PFKFB1: variants seen among roughly 807,000 people sequenced by gnomAD.
PFKFB1 encodes the protein 6-phosphofructo-2-kinase/fructose-2,6-biphosphatase 1.
PFKFB1 carries 34 observed loss-of-function variants against 46.4 expected under a neutral mutation model. The observed-to-expected ratio is 0.73, with a 90% CI of 0.56 to 0.98. PFKFB1 has a LOEUF of 0.98. Among genes scored for constraint, PFKFB1 ranks in the 50% least tolerant of loss-of-function variants. The pLI, the probability that PFKFB1 is intolerant of heterozygous loss-of-function variation, is 0.00. For missense variants in PFKFB1, 393 were observed against 376.3 expected (o/e 1.04, Z -0.37); for synonymous variants, 119 against 133.8 (o/e 0.89, Z 0.76).
intron 1 of PFKFB1, among the ~76,000 whole-genome samples, chrX:54,991,535 CTCTCTGTG>C (rs1343904126): frequency 2.3e-5 from 2 of 87,288 alleles, no homozygotes; most frequent in African/African-American, 3.8e-5. Flanking sequence ...CCCTCTCTCT[CTCTCTGTG>C]TGTGTGTGTG....
At chrX:54,985,223 A>G in intron 1 of PFKFB1, among the ~76,000 whole-genome samples, 1 of 111,750 alleles carries the variant, frequency 8.9e-6, no homozygotes, top group Non-Finnish European at 1.9e-5. Context: ...TGGGGTATGA[A>G]GAAACCTCCA....
At chrX:54,984,259 C>G (rs1341822125) in intron 1 of PFKFB1, among the ~76,000 whole-genome samples, 2 of 111,546 alleles carry the variant, frequency 1.8e-5, no homozygotes, top group Non-Finnish European at 3.8e-5. Flanking sequence ...TTTAAAAAAT[C>G]CCTATTTGCA....
chrX:54,970,557 A>G (rs1209115698), intron 1 of PFKFB1, among the ~76,000 whole-genome samples: 2 of 66,234 alleles, frequency 3.0e-5, no homozygotes, highest in Non-Finnish European at 5.4e-5. Flanking sequence ...TCATTGTTCA[A>G]TTTGCACCTA....
chrX:54,949,320 G>T, intron 8 of PFKFB1, 99 bp from the exon 9 acceptor site: 1 of 652,057 alleles, frequency 1.5e-6, no homozygotes, highest in Non-Finnish European at 2.3e-6. Flanking sequence ...CACAAATTGA[G>T]TGGTGATGAA....
At chrX:54,957,612 A>G (rs751747331) in intron 6 of PFKFB1, among the ~76,000 whole-genome samples, 1 of 111,688 alleles carries the variant, frequency 9.0e-6, no homozygotes, top group South Asian at 3.8e-4. Context: ...TGACCTATTA[A>G]TAAAAATTAC....
upstream of PFKFB1, chrX:54,998,438 A>T: frequency 1.7e-6 from 2 of 1,151,275 alleles, no homozygotes; most frequent in Non-Finnish European, 2.3e-6. Context: ...TTCCATCGCT[A>T]ATTATCCAAC....
At chrX:54,947,926 A>T (rs1933851698) in intron 9 of PFKFB1, among the ~76,000 whole-genome samples, 1 of 98,322 alleles carries the variant, frequency 1.0e-5, no homozygotes, top group South Asian at 4.6e-4. Flanking sequence ...TTCCACCTTA[A>T]TTTTTTTTTT....
At position 54,935,675 on chromosome X, in the gene PFKFB1, G is replaced by A. The variant is rs189311435; in HGVS notation, c.1229-666C>T. ...GGCCTTGAGAGGGAAAATGCTCTCC[G>A]CAAGTCACACAGCCAGGAAGCAGCA... On this transcript the variant is annotated intron_variant, in intron 11 of 13. Coordinates refer to ENST00000375006, the MANE Select transcript of PFKFB1 (RefSeq NM_002625.4). 4.5e-4 allele frequency among the ~76,000 whole-genome samples: 50 copies of A among 111,797 alleles called. 1 individual carries two copies. The highest frequency in any genetic ancestry group is 4.0e-3 in the East Asian group (14 of 3,529).
At chrX:54,958,223 C>T (rs1343905375) in intron 6 of PFKFB1, 83 bp downstream of exon 6, 8 of 548,369 alleles carry the variant, frequency 1.5e-5, no homozygotes, top group Non-Finnish European at 2.5e-5. Context: ...CATGGAGTTG[C>T]CTTAGGCATA....
chrX:54,991,286 A>G (rs1032777869), intron 1 of PFKFB1, among the ~76,000 whole-genome samples: 2 of 111,904 alleles, frequency 1.8e-5, no homozygotes, highest in African/African-American at 6.5e-5. Context: ...ATTTTCTAAA[A>G]AGGTACTGTT....
intron 10 of PFKFB1, among the ~76,000 whole-genome samples, chrX:54,939,455 C>G (rs937983366): frequency 1.8e-5 from 2 of 111,533 alleles, no homozygotes; most frequent in African/African-American, 6.5e-5. Context: ...AATCCAGGAG[C>G]TGTTTTTTTG....
At chrX:54,935,072 GC>G in intron 11 of PFKFB1, 63 bp from the exon 12 acceptor site, 2 of 899,115 alleles carry the variant, frequency 2.2e-6, no homozygotes, top group Admixed American at 2.5e-5. Flanking sequence ...GCCTCCCCAG[GC>G]CCCCAGGCTT....
chrX:54,955,735 T>G (rs904536328), intron 7 of PFKFB1, among the ~76,000 whole-genome samples: 1 of 112,141 alleles, frequency 8.9e-6, no homozygotes, highest in Non-Finnish European at 1.9e-5. Flanking sequence ...TAAGACTCAA[T>G]TTCTTTTTCT....
At chrX:54,973,016 G>T (rs1172145269) in intron 1 of PFKFB1, among the ~76,000 whole-genome samples, 1 of 111,413 alleles carries the variant, frequency 9.0e-6, no homozygotes, top group African/African-American at 3.3e-5. Flanking sequence ...CAATTTCAGA[G>T]CCTGTTATTG....
intron 1 of PFKFB1, among the ~76,000 whole-genome samples, chrX:54,963,604 A>G (rs746066154): frequency 8.9e-6 from 1 of 112,693 alleles, no homozygotes; most frequent in African/African-American, 3.2e-5. Flanking sequence ...CCACAGGAAC[A>G]GGCATTTGCT....
At chrX:54,964,938 T>A (rs183183249) in intron 1 of PFKFB1, among the ~76,000 whole-genome samples, 8 of 110,886 alleles carry the variant, frequency 7.2e-5, no homozygotes, top group Non-Finnish European at 1.5e-4. Context: ...TCCGCACAGC[T>A]GAGGCATCAG....
upstream of PFKFB1, among the ~76,000 whole-genome samples, chrX:54,996,411 A>C (rs960576968): frequency 8.9e-6 from 1 of 112,129 alleles, no homozygotes; most frequent in African/African-American, 3.2e-5. Flanking sequence ...TCACATGAAC[A>C]TCTCTTTTAT....
chrX:54,960,213 G>C (rs1293365070), intron 3 of PFKFB1, among the ~76,000 whole-genome samples: 1 of 112,613 alleles, frequency 8.9e-6, no homozygotes, highest in Admixed American at 9.4e-5. Context: ...AAGCTGAACT[G>C]TTTTATGGAC....
At chrX:54,962,903 GT>G (rs2146639417) in intron 2 of PFKFB1, among the ~76,000 whole-genome samples, 1 of 112,066 alleles carries the variant, frequency 8.9e-6, no homozygotes, top group Admixed American at 9.4e-5. Context: ...TGGTGAAGAA[GT>G]GGTAATGCTA....
Sources: gnomAD v4.1 joint callset for allele counts (sites outside exome capture counted in the v4.1 genomes callset) on GRCh38, gnomAD v4.1.1 for gene constraint, MANE v1.5 for transcripts, NCBI Gene and HGNC (gene_info 2026-07-23, HGNC 2026-07-21) for gene names.